The following TENM3 variants were observed in gnomAD, a reference collection of about 807,000 sequenced individuals.
TENM3 encodes teneurin-3.
In TENM3, 63 loss-of-function variants were observed where a neutral mutation model predicts 255.1. That is an observed-to-expected ratio of 0.25 (90% confidence interval 0.20 to 0.30). The LOEUF is 0.30. TENM3 is among the 10% of genes least tolerant of loss of function. The pLI, the probability that TENM3 is intolerant of heterozygous loss-of-function variation, is 1.00. For synonymous variants in TENM3, 1,306 were observed against 1,322.3 expected (o/e 0.99, Z 0.27); for missense variants, 2,929 against 3,461.1 (o/e 0.85, Z 3.86).
chr4:182,260,918 C>G (rs11132120), intron 1 of TENM3, among the ~76,000 whole-genome samples: 30,414 of 151,954 alleles, frequency 0.2, 3,336 homozygotes, highest in South Asian at 0.35. Context: ...CCCTGTTGCC[C>G]AGGCTGGAGT....
chr4:181,510,014 G>C, the TENM3 span, among the ~76,000 whole-genome samples: 331 of 152,208 alleles, frequency 2.2e-3, 1 homozygote, highest in African/African-American at 7.6e-3. Flanking sequence ...AAGCTTTATC[G>C]GTGTCAACAT....
chr4:182,487,818 T>C (rs2198922), intron 3 of TENM3, among the ~76,000 whole-genome samples: 133,213 of 152,176 alleles, frequency 0.88, 59,419 homozygotes, highest in East Asian at 1. Flanking sequence ...TATTCTCAGG[T>C]CCAGTGGGTG....
the TENM3 span, among the ~76,000 whole-genome samples, chr4:181,521,560 C>A: frequency 7.2e-5 from 11 of 152,164 alleles, no homozygotes; most frequent in Non-Finnish European, 1.6e-4. Flanking sequence ...TCTTGACATG[C>A]GTAATCGTAA....
chr4:181,569,071 G>T, the TENM3 span, among the ~76,000 whole-genome samples: 8 of 152,200 alleles, frequency 5.3e-5, no homozygotes, highest in African/African-American at 1.9e-4. Flanking sequence ...AGTGGCTCAT[G>T]CCTATAATCC....
the TENM3 span, among the ~76,000 whole-genome samples, chr4:181,503,775 C>T: frequency 6.6e-6 from 1 of 152,300 alleles, no homozygotes; most frequent in African/African-American, 2.4e-5. Context: ...TCTTCTCATG[C>T]CAGTGGTTCT....
At chr4:181,878,411 T>C in the TENM3 span, among the ~76,000 whole-genome samples, 1,923 of 152,212 alleles carry the variant, frequency 0.013, 23 homozygotes, top group Non-Finnish European at 0.02. Flanking sequence ...GTCTGGTCTA[T>C]GGTCTAATCA....
chr4:182,009,844 G>C, the TENM3 span, among the ~76,000 whole-genome samples: 1 of 152,204 alleles, frequency 6.6e-6, no homozygotes, highest in Non-Finnish European at 1.5e-5. Flanking sequence ...CTGGGTTCGC[G>C]AGTAGGATCT....
At chr4:182,110,889 G>A in the TENM3 span, among the ~76,000 whole-genome samples, 20 of 152,264 alleles carry the variant, frequency 1.3e-4, no homozygotes, top group East Asian at 3.9e-3. Flanking sequence ...GAAACTATAA[G>A]GCCATTATAA....
the TENM3 span, among the ~76,000 whole-genome samples, chr4:181,801,445 C>T: frequency 1.6e-4 from 25 of 152,030 alleles, no homozygotes; most frequent in Non-Finnish European, 2.9e-4. Context: ...ACTAAGAATA[C>T]TCTCCAGCTC....
intron 6 of TENM3, among the ~76,000 whole-genome samples, chr4:182,662,769 A>G (rs1236770191): frequency 6.6e-6 from 1 of 152,212 alleles, no homozygotes; most frequent in African/African-American, 2.4e-5. Flanking sequence ...AAGTTGTGCA[A>G]GTATTTACAA....
rs187116895 is a variant in TENM3, at chr4:182,358,887, C to T, written c.511+11958C>T. Among the ~76,000 whole-genome samples the T allele has an allele frequency of 1.1e-4, 16 of 151,602 alleles. No individual in the cohort carries two copies. In the East Asian group the frequency reaches 1.2e-3, roughly 11 times the overall value. ...AGATAGCTCTTATTATTTTGAGATA[C>T]GTCCCATCAATACCTAATTTATTAA... On this transcript the variant is annotated intron_variant, in intron 3 of 27. Transcript: ENST00000511685.
At chr4:181,581,206 C>T in the TENM3 span, among the ~76,000 whole-genome samples, 10 of 152,096 alleles carry the variant, frequency 6.6e-5, no homozygotes, top group African/African-American at 1.4e-4. Flanking sequence ...TTTGGGAGGC[C>T]GAGGCTGGTG....
intron 3 of TENM3, among the ~76,000 whole-genome samples, chr4:182,593,025 T>A (rs1746827448): frequency 6.6e-6 from 1 of 152,244 alleles, no homozygotes; most frequent in Admixed American, 6.5e-5. Flanking sequence ...CCTTTGAGCA[T>A]TAGAAGAAAT....
intron 2 of TENM3, among the ~76,000 whole-genome samples, chr4:182,325,639 A>AT (rs1763345527): frequency 6.6e-6 from 1 of 152,244 alleles, no homozygotes; most frequent in Admixed American, 6.5e-5. Flanking sequence ...TTTTTCAACA[A>AT]TTTAAAAAAT....
At chr4:182,055,979 G>A in the TENM3 span, among the ~76,000 whole-genome samples, 5 of 152,200 alleles carry the variant, frequency 3.3e-5, no homozygotes, top group East Asian at 3.9e-4. Context: ...GTTAAAAATC[G>A]TAGCACAAAA....
At chr4:182,342,735 T>C (rs949899540) in intron 2 of TENM3, among the ~76,000 whole-genome samples, 13 of 152,030 alleles carry the variant, frequency 8.6e-5, no homozygotes, top group Non-Finnish European at 4.4e-5. Flanking sequence ...ATCCAGACAT[T>C]AGTGAGGAGA....
the TENM3 span, among the ~76,000 whole-genome samples, chr4:182,097,000 T>A: frequency 6.6e-6 from 1 of 152,214 alleles, no homozygotes; most frequent in African/African-American, 2.4e-5. Flanking sequence ...GCTGTTTTTT[T>A]AAAACCTCAA....
At chr4:182,093,433 TA>T in the TENM3 span, among the ~76,000 whole-genome samples, 55,192 of 151,832 alleles carry the variant, frequency 0.36, 10,102 homozygotes, top group East Asian at 0.47. Context: ...GCGACAAAGC[TA>T]GATGATAACA....
At chr4:181,591,740 A>G in the TENM3 span, among the ~76,000 whole-genome samples, 1 of 152,160 alleles carries the variant, frequency 6.6e-6, no homozygotes, top group Non-Finnish European at 1.5e-5. Context: ...TGCACACTCA[A>G]TATGATAATC....
Sources: gnomAD v4.1 joint callset for allele counts (sites outside exome capture counted in the v4.1 genomes callset) on GRCh38, gnomAD v4.1.1 for gene constraint, MANE v1.5 for transcripts, NCBI Gene and HGNC (gene_info 2026-07-23, HGNC 2026-07-21) for gene names.